The following TLE3 variants were observed in gnomAD, a reference collection of about 807,000 sequenced individuals.
TLE3 encodes the protein TLE family member 3, transcriptional corepressor.
TLE3 carries 14 observed loss-of-function variants against 93.0 expected under a neutral mutation model. That is an observed-to-expected ratio of 0.15 (90% CI 0.10 to 0.24). The LOEUF (loss-of-function observed/expected upper bound fraction) is 0.24. Among genes scored for constraint, TLE3 ranks in the 10% least tolerant of loss-of-function variants. The probability of loss-of-function intolerance (pLI) is 1.00; values close to 1 mark genes in which losing one functional copy is unlikely to be tolerated. For synonymous variants in TLE3, 451 were observed against 425.0 expected (o/e 1.06, Z -0.75); for missense variants, 693 against 1,046.6 (o/e 0.66, Z 4.66).
intron 6 of TLE3, among the ~76,000 whole-genome samples, chr15:70,073,595 C>A (rs2057293842): frequency 1.3e-5 from 2 of 152,226 alleles, no homozygotes; most frequent in Non-Finnish European, 2.9e-5. Flanking sequence ...ATGGAAAAGA[C>A]CTCTGGGGCA....
chr15:70,097,806 A>G lies in TLE3; in HGVS notation c.-1008T>C, dbSNP rs1388524295. Reference sequence around the variant, plus strand: ...CACACACACACGCGCGCACGCACACACACACACACCAAAAAAAAAAGTGCC... The same window carrying G: ...CACACACACACGCGCGCACGCACACGCACACACACCAAAAAAAAAAGTGCC... On this transcript the variant is annotated 5_prime_UTR_variant, in exon 1 of 20. Coordinates refer to ENST00000451782, the MANE Select transcript of TLE3 (RefSeq NM_001105192.3). The G allele has an allele frequency of 3.5e-6, 1 of 289,712 alleles. No homozygotes were observed. Among genetic ancestry groups the G allele is most frequent in the Non-Finnish European group, 5.6e-6 (1 of 179,314 alleles). The allele number at this position is 289,712 out of a possible 1,614,324, so 17.9% of individuals were successfully genotyped here.
At chr15:70,096,436 C>A (rs1295920349) in intron 1 of TLE3, 175 bp from the exon 2 acceptor site, 1 of 1,253,224 alleles carries the variant, frequency 8.0e-7, no homozygotes, top group Non-Finnish European at 1.1e-6. Flanking sequence ...CCATCTCTCC[C>A]CGTCGGCAGC....
chr15:70,052,327 G>A, intron 18 of TLE3, 47 bp downstream of exon 18: 1 of 1,596,824 alleles, frequency 6.3e-7, no homozygotes, highest in Non-Finnish European at 8.6e-7. Context: ...AGGCTGCCCT[G>A]GGTTCCCCAC....
chr15:70,074,022 T>TACATGA (rs1567025058), intron 6 of TLE3, among the ~76,000 whole-genome samples: 1 of 152,230 alleles, frequency 6.6e-6, no homozygotes, highest in Non-Finnish European at 1.5e-5. Flanking sequence ...TGATGAATGC[T>TACATGA]CAGCCAGGCA....
In TLE3 at chr15:70,058,946, A is replaced by G; in HGVS notation, c.766-131T>C. ...GCTTGGCTGAAAGACTGGGGGCCCC[A>G]CAGTGAGGAAAAACTAGCTCTTAAC... is the stretch of plus-strand genomic sequence containing the variant. On this transcript the variant is annotated intron_variant, in intron 10 of 19. Coordinates refer to ENST00000451782, the MANE Select transcript of TLE3 (RefSeq NM_001105192.3). This position sits in a 1 kb window ranked among gnomAD's most constrained non-coding sequence, Gnocchi z 4.1. 2 of 1,206,606 alleles carry G rather than the reference A, an allele frequency of 1.7e-6. No individual in the cohort carries two copies. The highest frequency in any genetic ancestry group is 2.2e-6 in the Non-Finnish European group (2 of 896,802). The allele number at this position is 1,206,606 out of a possible 1,614,324, so 74.7% of individuals were successfully genotyped here.
chr15:70,083,211 G>A (rs1445729037), intron 4 of TLE3, among the ~76,000 whole-genome samples: 1 of 152,186 alleles, frequency 6.6e-6, no homozygotes, highest in African/African-American at 2.4e-5. Flanking sequence ...GAGACTTGGA[G>A]GCAGACACCA....
chr15:70,086,864 C>T (rs1386192813), intron 4 of TLE3, among the ~76,000 whole-genome samples: 1 of 150,898 alleles, frequency 6.6e-6, no homozygotes. Flanking sequence ...TTCGCACCCC[C>T]ACCCTGCCTT....
At chr15:70,061,123 G>A (rs1022027123) in intron 8 of TLE3, among the ~76,000 whole-genome samples, 6 of 152,148 alleles carry the variant, frequency 3.9e-5, no homozygotes, top group Admixed American at 6.5e-5. Flanking sequence ...CGACAGGAAT[G>A]GGGAGATTGA....
chr15:70,063,698 A>G (rs143047312), intron 8 of TLE3, among the ~76,000 whole-genome samples: 2 of 152,328 alleles, frequency 1.3e-5, no homozygotes, highest in African/African-American at 4.8e-5. Context: ...GATTTTTTTT[A>G]TCCAGACTCC....
chr15:70,054,360 T>G (rs2055829994), intron 16 of TLE3, 78 bp downstream of exon 16: 1 of 1,550,006 alleles, frequency 6.5e-7, no homozygotes, highest in Non-Finnish European at 8.7e-7. Flanking sequence ...AGGGCCAAGG[T>G]CACAGCAAAC....
intron 4 of TLE3, among the ~76,000 whole-genome samples, chr15:70,088,295 C>T (rs898601477): frequency 1.3e-5 from 2 of 152,222 alleles, no homozygotes; most frequent in South Asian, 2.1e-4. Flanking sequence ...CTGCAAAGGA[C>T]GATGCTTCAA....
Position 70,058,766 on chromosome 15 carries a change from C to T in TLE3, c.815G>A (p.Gly272Glu), listed in dbSNP as rs1283049911. Residue 272 changes from glycine (G) to glutamate (E), a missense_variant, in exon 11 of 20, where the codon GGG becomes GAG. Transcript: ENST00000451782. The surrounding 1 kb of genome is among the most constrained non-coding windows in gnomAD (Gnocchi z 4.1). ...VSPAHSPPENGLDKARSLKKD... is the reference protein window; with the variant it reads ...VSPAHSPPENELDKARSLKKD... ...TTTCAGGCTACGGGCCTTGTCCAGC[C>T]CATTTTCAGGAGGGGAGTGTGCCGG... is the stretch of plus-strand genomic sequence containing the variant. 1.2e-6 allele frequency: 2 copies of T among 1,609,612 alleles called. No individual in the cohort carries two copies. Among genetic ancestry groups the T allele is most frequent in the Admixed American group, 1.7e-5 (1 of 59,258 alleles).
intron 4 of TLE3, among the ~76,000 whole-genome samples, chr15:70,086,740 T>G (rs1460362715): frequency 6.6e-6 from 1 of 152,214 alleles, no homozygotes; most frequent in Non-Finnish European, 1.5e-5. Context: ...CCACAACACT[T>G]GGAACTCCAT....
chr15:70,054,801 AC>A, intron 15 of TLE3, 116 bp from the exon 16 acceptor site: 1 of 1,372,354 alleles, frequency 7.3e-7, no homozygotes, highest in Non-Finnish European at 9.7e-7. Context: ...CTCCCCCTAT[AC>A]CCAGCAGCTG....
rs369358633 is a variant in TLE3 at position 70,057,518 on chromosome 15, C to T, written c.1192G>A (p.Ala398Thr). Residue 398 changes from alanine to threonine, a missense_variant, in exon 13 of 20, where the codon GCC (alanine) becomes ACC (threonine). Ala to Thr is a moderately conservative substitution (Grantham distance 58). This residue lies in a region of TLE3 where 405 missense variants were observed against 468.9 expected (regional missense o/e 0.86). Transcript: ENST00000451782. ...GCAGCGGCTGCAGCAGCGGCGGCGG[C>T]GCTCATCTGGGGTGGGATGTTGTGG... is the stretch of plus-strand genomic sequence containing the variant. Reference protein sequence around the residue: ...GLHNIPPQMSAAAAAAAAAYG... With the variant: ...GLHNIPPQMSTAAAAAAAAYG... The T allele has an allele frequency of 2.5e-5, 40 of 1,607,482 alleles. No homozygotes were observed. Among genetic ancestry groups the T allele is most frequent in the Non-Finnish European group, 2.7e-5 (32 of 1,177,348 alleles).
chr15:70,076,132 T>G lies in TLE3; in HGVS notation c.261A>C (p.Thr87=), dbSNP rs762019987. 1.9e-6 allele frequency: 3 copies of G among 1,614,016 alleles called. No homozygotes were observed. In the Admixed American group the frequency reaches 5.0e-5, roughly 27 times the overall value. ...GGAAAGGCATGATCTGTGCTAAAAT[T>G]GTGTTCAGTCTCTTCGCAATCTCTG... ...KQTEIAKRLN[T]ILAQIMPFLS... The change falls in exon 5 of 20, where the codon ACA becomes ACC. Residue 87 remains threonine (T), a synonymous_variant. Coordinates refer to ENST00000451782, the MANE Select transcript of TLE3 (RefSeq NM_001105192.3).
intron 4 of TLE3, 98 bp from the exon 5 acceptor site, chr15:70,076,256 C>A: frequency 9.0e-7 from 1 of 1,114,160 alleles, no homozygotes; most frequent in Non-Finnish European, 1.4e-6. Context: ...CAGACCACAG[C>A]CCCTCTCCAC....
At chr15:70,050,431 T>C in intron 19 of TLE3, 1 of 458,708 alleles carries the variant, frequency 2.2e-6, no homozygotes, top group South Asian at 2.5e-5. Flanking sequence ...CCCTCCCACC[T>C]GCTTTTCCAT....
intron 4 of TLE3, among the ~76,000 whole-genome samples, chr15:70,088,369 T>G (rs2058132373): frequency 6.6e-6 from 1 of 152,174 alleles, no homozygotes; most frequent in African/African-American, 2.4e-5. Flanking sequence ...CTTCCTTAAG[T>G]TTCTCCTTAA....
Sources: gnomAD v4.1 joint callset for allele counts (sites outside exome capture counted in the v4.1 genomes callset) on GRCh38, gnomAD v4.1.1 for gene constraint, gnomAD v4.1.1 regional missense constraint, Gnocchi (gnomAD v3.1) non-coding constraint, MANE v1.5 for transcripts, NCBI Gene and HGNC (gene_info 2026-07-23, HGNC 2026-07-21) for gene names.